ACOT12: variants seen among roughly 807,000 people sequenced by gnomAD.
ACOT12 encodes the protein acetyl-coenzyme A thioesterase.
Under a neutral mutation model 67.7 loss-of-function variants are expected in ACOT12, and 51 were observed. The observed-to-expected ratio is 0.75, with a 90% CI of 0.60 to 0.95. The LOEUF is 0.95. Ranked by LOEUF, ACOT12 falls within the 40% of genes least tolerant of loss-of-function variation. ACOT12 has a pLI of 0.00. For missense variants in ACOT12, 734 were observed against 708.1 expected, an observed-to-expected ratio of 1.04 and a Z score of -0.41; for synonymous variants, 251 against 244.6, an observed-to-expected ratio of 1.03 and a Z score of -0.24.
chr5:81,347,626 G>T, intron 6 of ACOT12, 148 bp downstream of exon 6: 1 of 847,986 alleles, frequency 1.2e-6, no homozygotes, highest in Non-Finnish European at 1.8e-6. Flanking sequence ...AAGTAAGAAA[G>T]TAAATGATTT....
chr5:81,331,394 G>A (rs1026173918), intron 13 of ACOT12, among the ~76,000 whole-genome samples: 1 of 152,156 alleles, frequency 6.6e-6, no homozygotes, highest in Admixed American at 6.5e-5. Flanking sequence ...AAAATTAGCT[G>A]ACCATGGTGG....
chr5:81,317,561 A>G, the ACOT12 span, among the ~76,000 whole-genome samples: 1 of 152,032 alleles, frequency 6.6e-6, no homozygotes, highest in East Asian at 1.9e-4. Context: ...TACAGGAAGC[A>G]TGGCTAAGAG....
intron 4 of ACOT12, among the ~76,000 whole-genome samples, chr5:81,361,688 C>T (rs1039156284): frequency 9.9e-5 from 15 of 152,148 alleles, no homozygotes; most frequent in African/African-American, 3.6e-4. Flanking sequence ...CTGGAGACCT[C>T]CACCCTCTCT....
intron 2 of ACOT12, among the ~76,000 whole-genome samples, chr5:81,384,186 G>A (rs1047624356): frequency 2.7e-5 from 4 of 148,884 alleles, no homozygotes; most frequent in African/African-American, 7.5e-5. Flanking sequence ...GTGTATTGGC[G>A]TGATCTTGGC....
chr5:81,371,872 T>TA (rs1424453166), intron 2 of ACOT12, 62 bp from the exon 3 acceptor site: 2 of 1,429,324 alleles, frequency 1.4e-6, no homozygotes, highest in East Asian at 4.6e-5. Flanking sequence ...AGATAAGACT[T>TA]AAAGATTACT....
At position 81,330,425 on chromosome 5, in the gene ACOT12, G is replaced by T; in HGVS notation, c.1637C>A (p.Pro546His). 1 of 1,613,384 alleles carries T rather than the reference G, an allele frequency of 6.2e-7. No individual in the cohort carries two copies. The highest frequency in any genetic ancestry group is 8.5e-7 in the Non-Finnish European group (1 of 1,179,754). Reference sequence around the variant, plus strand: ...TGTGCTTACAAACCCATCATCAGGAGGATTCTCTAAGAACTGTATACAAGA... The same window carrying T: ...TGTGCTTACAAACCCATCATCAGGATGATTCTCTAAGAACTGTATACAAGA... ...AASCIQFLEN[P>H]PDDGFVSTF is the part of the protein sequence containing the mutation. Residue 546 changes from proline to histidine, a missense_variant, in exon 15 of 15, where the codon CCT (proline) becomes CAT (histidine). Transcript: ENST00000307624.
chr5:81,370,707 G>T (rs945066597), intron 3 of ACOT12, among the ~76,000 whole-genome samples: 1 of 152,180 alleles, frequency 6.6e-6, no homozygotes, highest in Admixed American at 6.6e-5. Flanking sequence ...ATATTTTGAT[G>T]TAGGACTTCT....
chr5:81,350,138 A>G (rs907900152), intron 5 of ACOT12, among the ~76,000 whole-genome samples: 1 of 151,970 alleles, frequency 6.6e-6, no homozygotes, highest in African/African-American at 2.4e-5. Context: ...ATTTCTCTCC[A>G]TTCTTCATGT....
At chr5:81,339,513 G>T (rs1759122054) in intron 11 of ACOT12, among the ~76,000 whole-genome samples, 2 of 152,166 alleles carry the variant, frequency 1.3e-5, no homozygotes, top group Admixed American at 1.3e-4. Context: ...ACTACCCACT[G>T]CCTAGAAAGC....
intron 5 of ACOT12, among the ~76,000 whole-genome samples, chr5:81,358,007 C>CAAAAA (rs777333534): frequency 1.8e-4 from 13 of 70,976 alleles, no homozygotes; most frequent in Admixed American, 5.2e-4. Flanking sequence ...CCCCATCTCA[C>CAAAAA]AAAAAAAAAA....
At chr5:81,355,265 C>T (rs994527212) in intron 5 of ACOT12, among the ~76,000 whole-genome samples, 1 of 152,170 alleles carries the variant, frequency 6.6e-6, no homozygotes, top group Non-Finnish European at 1.5e-5. Context: ...ATGTAAGTAC[C>T]TTTATTATTC....
At position 81,379,247 on chromosome 5, in the gene ACOT12, G is replaced by A. The variant is rs535161857; in HGVS notation, c.197+6510C>T. Among the ~76,000 whole-genome samples the A allele has an allele frequency of 1.5e-3, 218 of 147,720 alleles. 1 individual carries two copies. Among genetic ancestry groups the A allele is most frequent in the African/African-American group, 5.2e-3 (208 of 40,086 alleles). ...ACACAAGAACAGAAAACCAAACACC[G>A]CATGTTCTCACTTGTAAGTGGGAGT... is the stretch of plus-strand genomic sequence containing the variant. On this transcript the variant is annotated intron_variant, in intron 2 of 14. Transcript: ENST00000307624.
chr5:81,330,390 A>G lies in ACOT12; in HGVS notation c.*4T>C. 1 of 1,606,312 alleles carries G rather than the reference A, an allele frequency of 6.2e-7. No individual in the cohort carries two copies. Among genetic ancestry groups the G allele is most frequent in the Non-Finnish European group, 8.5e-7 (1 of 1,175,398 alleles). ...TTAAATTACCAGTAATTGAAAGTTG[A>G]CCTTTAAAATGTGCTTACAAACCCA... On this transcript the variant is annotated 3_prime_UTR_variant, in exon 15 of 15. Transcript: ENST00000307624.
At chr5:81,320,169 A>C in the ACOT12 span, among the ~76,000 whole-genome samples, 4 of 152,236 alleles carry the variant, frequency 2.6e-5, no homozygotes, top group African/African-American at 9.6e-5. Flanking sequence ...TGAGTTTACA[A>C]GGAAGCACAG....
intron 1 of ACOT12, among the ~76,000 whole-genome samples, chr5:81,386,995 A>ATTTTTTTT (rs869281800): frequency 3.4e-3 from 278 of 81,246 alleles, no homozygotes; most frequent in East Asian, 0.012. Flanking sequence ...GATGAGTTCC[A>ATTTTTTTT]TTTTTTTTTT....
intron 5 of ACOT12, among the ~76,000 whole-genome samples, chr5:81,352,052 G>A (rs1450762927): frequency 6.6e-6 from 1 of 152,190 alleles, no homozygotes; most frequent in Non-Finnish European, 1.5e-5. Flanking sequence ...AAACTACAAT[G>A]AGGTATCATC....
chr5:81,334,498 G>C (rs1758934621), intron 12 of ACOT12, among the ~76,000 whole-genome samples: 1 of 152,182 alleles, frequency 6.6e-6, no homozygotes, highest in African/African-American at 2.4e-5. Flanking sequence ...CTTGTCGCAG[G>C]CCCTATGAGG....
chr5:81,319,969 GAGA>G, the ACOT12 span, among the ~76,000 whole-genome samples: 6 of 145,120 alleles, frequency 4.1e-5, no homozygotes, highest in Admixed American at 4.3e-4. Flanking sequence ...AACACAGAGA[GAGA>G]AATTAGGAAG....
intron 7 of ACOT12, 55 bp from the exon 8 acceptor site, chr5:81,345,096 T>C: frequency 6.3e-7 from 1 of 1,591,056 alleles, no homozygotes; most frequent in Non-Finnish European, 8.6e-7. Context: ...CATCAGGCCC[T>C]CCTTGCACAC....
Sources: gnomAD v4.1 joint callset for allele counts (sites outside exome capture counted in the v4.1 genomes callset) on GRCh38, gnomAD v4.1.1 for gene constraint, MANE v1.5 for transcripts, NCBI Gene and HGNC (gene_info 2026-07-23, HGNC 2026-07-21) for gene names.